The following COX7B2 variants were observed in gnomAD, a reference collection of about 807,000 sequenced individuals.
COX7B2 encodes cytochrome c oxidase subunit 7B2, also known as cytochrome c oxidase subunit 7B2, mitochondrial.
For missense variants in COX7B2, 109 were observed against 95.9 expected (o/e 1.14, Z -0.57); for synonymous variants, 37 against 32.1 (o/e 1.15, Z -0.51).
At chr4:46,863,851 G>GT (rs1401377880) in intron 1 of COX7B2, among the ~76,000 whole-genome samples, 1 of 151,808 alleles carries the variant, frequency 6.6e-6, no homozygotes, top group African/African-American at 2.4e-5. Context: ...TTTGACCTTT[G>GT]TTTTTTAATT....
chr4:46,774,460 G>C (rs1577689732), intron 2 of COX7B2, among the ~76,000 whole-genome samples: 1 of 151,878 alleles, frequency 6.6e-6, no homozygotes, highest in Non-Finnish European at 1.5e-5. Context: ...TAAATATTTT[G>C]TGGATAGTCC....
intron 1 of COX7B2, among the ~76,000 whole-genome samples, chr4:46,907,053 T>C (rs1001813736): frequency 3.9e-5 from 6 of 152,228 alleles, no homozygotes; most frequent in African/African-American, 1.4e-4. Flanking sequence ...TTCTTAACAG[T>C]TTCCTATTTC....
Position 46,808,262 on chromosome 4 carries a change from T to C in COX7B2, c.-50+36698A>G, listed in dbSNP as rs1249231817. ...ACCTCCCCAGTTAAATTTGTTCTTG[T>C]ATATTTTTTTCTTGATGCTATTGTA... On this transcript the variant is annotated intron_variant, in intron 2 of 2. Coordinates refer to ENST00000355591, the MANE Select transcript of COX7B2 (RefSeq NM_130902.3). Among the ~76,000 whole-genome samples, 4 of 151,814 alleles carry C rather than the reference T, an allele frequency of 2.6e-5. No individual in the cohort carries two copies. The South Asian group carries it at 6.2e-4, about 24-fold the overall frequency.
chr4:46,881,164 C>T (rs1377054146), intron 1 of COX7B2, among the ~76,000 whole-genome samples: 2 of 152,086 alleles, frequency 1.3e-5, no homozygotes, highest in African/African-American at 2.4e-5. Context: ...TGAGGATGCA[C>T]CCATGACAGA....
chr4:46,736,796 C>T (rs947007873), intron 2 of COX7B2, among the ~76,000 whole-genome samples: 64 of 152,066 alleles, frequency 4.2e-4, no homozygotes, highest in African/African-American at 1.5e-3. Context: ...GAGTGCATTT[C>T]TTTTTAGTGC....
intron 2 of COX7B2, among the ~76,000 whole-genome samples, chr4:46,778,559 G>C (rs540238110): frequency 6.6e-6 from 1 of 152,178 alleles, no homozygotes; most frequent in African/African-American, 2.4e-5. Flanking sequence ...AATTATGAGT[G>C]ACCTACTTAA....
intron 1 of COX7B2, among the ~76,000 whole-genome samples, chr4:46,878,043 A>G (rs1718454779): frequency 6.6e-6 from 1 of 151,794 alleles, no homozygotes; most frequent in African/African-American, 2.4e-5. Context: ...ACACACACAC[A>G]AAGAATATTA....
chr4:46,894,332 G>A (rs2109879012), intron 1 of COX7B2, among the ~76,000 whole-genome samples: 1 of 152,074 alleles, frequency 6.6e-6, no homozygotes, highest in African/African-American at 2.4e-5. Flanking sequence ...CAGAAATAAG[G>A]CTGCCCACCT....
At chr4:46,785,858 A>G (rs1411963300) in intron 2 of COX7B2, among the ~76,000 whole-genome samples, 2 of 152,040 alleles carry the variant, frequency 1.3e-5, no homozygotes, top group Non-Finnish European at 2.9e-5. Flanking sequence ...CACCAATCCA[A>G]TACTCTCTCT....
At chr4:46,816,118 C>T (rs1577600965) in intron 2 of COX7B2, among the ~76,000 whole-genome samples, 2 of 152,278 alleles carry the variant, frequency 1.3e-5, no homozygotes, top group East Asian at 3.9e-4. Context: ...ACAAGACTGA[C>T]ATTATACCCT....
chr4:46,873,425 T>C (rs1718128657), intron 1 of COX7B2, among the ~76,000 whole-genome samples: 1 of 152,198 alleles, frequency 6.6e-6, no homozygotes, highest in South Asian at 2.1e-4. Context: ...GTTGAACTAA[T>C]TTACACTCCC....
intron 1 of COX7B2, among the ~76,000 whole-genome samples, chr4:46,854,156 T>C (rs1716868159): frequency 6.6e-6 from 1 of 152,188 alleles, no homozygotes; most frequent in Non-Finnish European, 1.5e-5. Context: ...TATTAACATA[T>C]GCATCAATAT....
intron 2 of COX7B2, among the ~76,000 whole-genome samples, chr4:46,837,944 A>C (rs1024384903): frequency 3.3e-5 from 5 of 152,020 alleles, no homozygotes; most frequent in Non-Finnish European, 4.4e-5. Context: ...AGGTCGAAAT[A>C]ACCGAAATTA....
intron 2 of COX7B2, among the ~76,000 whole-genome samples, chr4:46,793,331 G>A (rs2109592464): frequency 6.6e-6 from 1 of 152,158 alleles, no homozygotes; most frequent in African/African-American, 2.4e-5. Context: ...GTCTCTGGTT[G>A]GGGAGGAGTT....
At chr4:46,825,143 G>T (rs929406588) in intron 2 of COX7B2, among the ~76,000 whole-genome samples, 1 of 151,818 alleles carries the variant, frequency 6.6e-6, no homozygotes, top group Non-Finnish European at 1.5e-5. Flanking sequence ...CCCAGTCTTG[G>T]CCCAAAAGCT....
At chr4:46,783,230 C>T (rs1029723800) in intron 2 of COX7B2, among the ~76,000 whole-genome samples, 3 of 152,128 alleles carry the variant, frequency 2.0e-5, no homozygotes, top group Non-Finnish European at 4.4e-5. Context: ...TGAGTAAAGG[C>T]TTTGACAGAA....
At chr4:46,861,132 G>A (rs1717311394) in intron 1 of COX7B2, among the ~76,000 whole-genome samples, 1 of 152,112 alleles carries the variant, frequency 6.6e-6, no homozygotes, top group South Asian at 2.1e-4. Context: ...GTGGGTTAGA[G>A]TCCCTCTCTA....
At chr4:46,780,427 G>A (rs1431691394) in intron 2 of COX7B2, among the ~76,000 whole-genome samples, 1 of 152,194 alleles carries the variant, frequency 6.6e-6, no homozygotes, top group Non-Finnish European at 1.5e-5. Flanking sequence ...TGAGGCAGGA[G>A]AATGGCATGA....
At chr4:46,845,485 C>T (rs993746886) in intron 1 of COX7B2, among the ~76,000 whole-genome samples, 2 of 151,852 alleles carry the variant, frequency 1.3e-5, no homozygotes, top group African/African-American at 4.8e-5. Flanking sequence ...ACTAATGCCT[C>T]AAATGTGGTT....
Sources: allele counts gnomAD v4.1 joint callset (sites outside exome capture counted in the v4.1 genomes callset), GRCh38; gene constraint gnomAD v4.1.1; transcripts MANE v1.5; gene names NCBI Gene and HGNC (gene_info 2026-07-23, HGNC 2026-07-21).